Variants in GNG2 observed in about 807,000 individuals in gnomAD.
GNG2 encodes G protein subunit gamma 2.
In GNG2, 5 loss-of-function variants were observed where a neutral mutation model predicts 5.5. That is an observed-to-expected ratio of 0.91 (90% CI 0.48 to 1.92). The LOEUF is 1.92. Among genes scored for constraint, GNG2 ranks in the 30% most tolerant of loss-of-function variants. The probability of loss-of-function intolerance (pLI) is 0.01; values close to 1 mark genes in which losing one functional copy is unlikely to be tolerated. For missense variants in GNG2, 55 were observed against 88.4 expected (o/e 0.62, Z 1.52); for synonymous variants, 28 against 32.0 (o/e 0.88, Z 0.42).
chr14:51,910,294 C>CA (rs972278428), intron 2 of GNG2, among the ~76,000 whole-genome samples: 16 of 152,060 alleles, frequency 1.1e-4, no homozygotes, highest in Admixed American at 3.3e-4. Context: ...GGCATGTGTG[C>CA]AAAGGCCCTG....
At chr14:51,879,199 G>GCTCAGTA (rs1244526981) in intron 2 of GNG2, among the ~76,000 whole-genome samples, 1 of 152,204 alleles carries the variant, frequency 6.6e-6, no homozygotes, top group Non-Finnish European at 1.5e-5. Context: ...TTTCAGTTAT[G>GCTCAGTA]CTCAGTAGTT....
In GNG2 at chr14:51,966,788, C is replaced by T. The variant is rs1050563006; in HGVS notation, c.*101C>T. ...TCTAGTCCACGGCATTTGAAGAGAG[C>T]GAGGAGAACCATTCTGGAAACTCTA... On this transcript the variant is annotated 3_prime_UTR_variant, in exon 4 of 4. Coordinates refer to ENST00000556766, the MANE Select transcript of GNG2 (RefSeq NM_053064.5). 1.6e-5 allele frequency: 16 copies of T among 991,642 alleles called. No homozygotes were observed. Among genetic ancestry groups the T allele is most frequent in the African/African-American group, 3.2e-5 (2 of 62,140 alleles). The allele number at this position is 991,642 out of a possible 1,614,324, so 61.4% of individuals were successfully genotyped here. A position where few individuals can be genotyped will look rare whatever the true frequency, so the allele number is the denominator to read the frequency against.
intron 2 of GNG2, among the ~76,000 whole-genome samples, chr14:51,910,502 G>T (rs1365740922): frequency 6.6e-6 from 1 of 152,218 alleles, no homozygotes; most frequent in Non-Finnish European, 1.5e-5. Flanking sequence ...AAGGGGGAAA[G>T]TGACAGCCAC....
intron 2 of GNG2, among the ~76,000 whole-genome samples, chr14:51,888,192 G>A (rs947711080): frequency 6.6e-6 from 1 of 151,968 alleles, no homozygotes; most frequent in African/African-American, 2.4e-5. Flanking sequence ...ATACATCCAT[G>A]CTGTATGCAT....
chr14:51,842,495 C>A (rs2790503), intron 2 of GNG2, among the ~76,000 whole-genome samples: 129,304 of 151,954 alleles, frequency 0.85, 56,277 homozygotes, highest in Non-Finnish European at 0.96. Flanking sequence ...AAGTGCTCAG[C>A]AGCTGGGACA....
At chr14:51,835,339 G>A (rs562762121) in intron 2 of GNG2, among the ~76,000 whole-genome samples, 2 of 152,322 alleles carry the variant, frequency 1.3e-5, no homozygotes, top group East Asian at 1.9e-4. Context: ...AACTTCATTT[G>A]TTTCATCCTG....
intron 2 of GNG2, among the ~76,000 whole-genome samples, chr14:51,838,694 C>T (rs574659078): frequency 5.8e-4 from 88 of 152,262 alleles, no homozygotes; most frequent in African/African-American, 1.9e-3. Context: ...ATACATCTAT[C>T]GTATGTCCCT....
At chr14:51,838,149 A>G (rs1207220941) in intron 2 of GNG2, among the ~76,000 whole-genome samples, 1 of 152,146 alleles carries the variant, frequency 6.6e-6, no homozygotes, top group Non-Finnish European at 1.5e-5. Context: ...TTATTTTATG[A>G]GATCTACACA....
chr14:51,882,158 G>A (rs576438854), intron 2 of GNG2, among the ~76,000 whole-genome samples: 9 of 152,202 alleles, frequency 5.9e-5, no homozygotes, highest in Admixed American at 3.3e-4. Context: ...GTTTCCTTCC[G>A]GGGTGATGGA....
intron 2 of GNG2, among the ~76,000 whole-genome samples, chr14:51,833,694 G>C (rs1442240926): frequency 6.6e-6 from 1 of 152,172 alleles, no homozygotes; most frequent in East Asian, 1.9e-4. Flanking sequence ...GATTACTTGA[G>C]GGGCATAGAA....
upstream of GNG2, among the ~76,000 whole-genome samples, chr14:51,856,241 T>A (rs1014580482): frequency 6.7e-6 from 1 of 149,768 alleles, no homozygotes; most frequent in African/African-American, 2.5e-5. Context: ...GAGAAGGAGG[T>A]GTACAGCATT....
chr14:51,836,760 A>C (rs10142354), intron 2 of GNG2, among the ~76,000 whole-genome samples: 144,607 of 152,098 alleles, frequency 0.95, 69,092 homozygotes, highest in East Asian at 1. Flanking sequence ...ATTCCTGCTC[A>C]TTACAATAAA....
At chr14:51,832,499 T>C (rs1394476859) in intron 2 of GNG2, among the ~76,000 whole-genome samples, 5 of 152,220 alleles carry the variant, frequency 3.3e-5, no homozygotes, top group Admixed American at 6.5e-5. Flanking sequence ...GCAAAAATTA[T>C]TCTCTCTCAG....
upstream of GNG2, among the ~76,000 whole-genome samples, chr14:51,857,847 G>A (rs574765480): frequency 3.3e-5 from 5 of 152,232 alleles, no homozygotes; most frequent in South Asian, 1.0e-3. Flanking sequence ...AGAGGAACAG[G>A]CTTTGGATGA....
intron 2 of GNG2, among the ~76,000 whole-genome samples, chr14:51,932,043 G>A (rs564518617): frequency 1.2e-4 from 18 of 151,950 alleles, no homozygotes; most frequent in African/African-American, 2.4e-4. Context: ...TCAGGAGATC[G>A]AGACCATCCT....
chr14:51,877,325 C>T (rs1404854518), intron 1 of GNG2, among the ~76,000 whole-genome samples: 1 of 152,180 alleles, frequency 6.6e-6, no homozygotes, highest in African/African-American at 2.4e-5. Context: ...ACTCTGCTTC[C>T]TCTAGGTTCC....
chr14:51,884,883 A>C (rs1278366600), intron 2 of GNG2, among the ~76,000 whole-genome samples: 6 of 152,216 alleles, frequency 3.9e-5, no homozygotes, highest in African/African-American at 1.2e-4. Context: ...GCCTGCCATC[A>C]GCAGGGGCCA....
chr14:51,857,679 G>C (rs190147974), upstream of GNG2, among the ~76,000 whole-genome samples: 2 of 151,272 alleles, frequency 1.3e-5, no homozygotes, highest in Non-Finnish European at 3.0e-5. Flanking sequence ...AGAGAGGAGG[G>C]GTTTGGGCAA....
intron 2 of GNG2, among the ~76,000 whole-genome samples, chr14:51,900,653 T>C (rs1885486545): frequency 6.6e-6 from 1 of 151,394 alleles, no homozygotes; most frequent in Non-Finnish European, 1.5e-5. Flanking sequence ...ATACTTTTAC[T>C]CCCAGAAACC....
Sources: gnomAD v4.1 joint callset for allele counts (sites outside exome capture counted in the v4.1 genomes callset) on GRCh38, gnomAD v4.1.1 for gene constraint, MANE v1.5 for transcripts, NCBI Gene and HGNC (gene_info 2026-07-23, HGNC 2026-07-21) for gene names.